GALNT13: variants seen among roughly 807,000 people sequenced by gnomAD.
The protein encoded by GALNT13 is UDP-GalNAc:polypeptide N-acetylgalactosaminyltransferase 13.
GALNT13 carries 28 observed loss-of-function variants against 64.2 expected under a neutral mutation model. The ratio of observed to expected loss-of-function variants is 0.44; its 90% CI spans 0.32 to 0.60. GALNT13 has a LOEUF of 0.60. Ranked by LOEUF, GALNT13 falls within the 20% of genes least tolerant of loss-of-function variation. GALNT13 has a pLI of 0.05. For missense variants in GALNT13, 577 were observed against 669.8 expected (o/e 0.86, Z 1.53); for synonymous variants, 214 against 224.6 (o/e 0.95, Z 0.42).
At chr2:153,808,888 G>T in the GALNT13 span, among the ~76,000 whole-genome samples, 1 of 152,140 alleles carries the variant, frequency 6.6e-6, no homozygotes, top group East Asian at 1.9e-4. Context: ...AAAATGCCAA[G>T]CCTGCTTAAA....
chr2:154,183,259 T>C (rs1327671904), intron 4 of GALNT13, among the ~76,000 whole-genome samples: 3 of 152,188 alleles, frequency 2.0e-5, no homozygotes. Context: ...TTGTGAATTG[T>C]ATGTTTATAG....
At chr2:153,768,778 AT>A in the GALNT13 span, among the ~76,000 whole-genome samples, 10 of 152,172 alleles carry the variant, frequency 6.6e-5, no homozygotes, top group Admixed American at 6.5e-4. Flanking sequence ...AGGCAGGAAA[AT>A]GGTGTGAACC....
At chr2:153,840,942 T>G in the GALNT13 span, among the ~76,000 whole-genome samples, 1 of 151,678 alleles carries the variant, frequency 6.6e-6, no homozygotes, top group East Asian at 1.9e-4. Flanking sequence ...AGGCCTTTTT[T>G]GGGTATGTAA....
chr2:154,166,104 T>G (rs1157794089), intron 4 of GALNT13, among the ~76,000 whole-genome samples: 1 of 152,160 alleles, frequency 6.6e-6, no homozygotes, highest in Non-Finnish European at 1.5e-5. Flanking sequence ...CTCAATTCAG[T>G]CATTAAATAA....
chr2:153,099,507 A>C, the GALNT13 span, among the ~76,000 whole-genome samples: 1 of 152,194 alleles, frequency 6.6e-6, no homozygotes, highest in East Asian at 1.9e-4. Context: ...TTCTGCTAAT[A>C]AAGGCAGGCA....
chr2:153,765,991 A>G, the GALNT13 span, among the ~76,000 whole-genome samples: 1 of 152,186 alleles, frequency 6.6e-6, no homozygotes, highest in African/African-American at 2.4e-5. Context: ...GAGTCAATTA[A>G]ACCACTTTAC....
intron 4 of GALNT13, among the ~76,000 whole-genome samples, chr2:154,238,941 A>C (rs1251633898): frequency 4.6e-5 from 7 of 152,058 alleles, no homozygotes; most frequent in Non-Finnish European, 7.4e-5. Context: ...GATCTCCAGA[A>C]GTTATTCATC....
chr2:154,046,698 A>G (rs1699306364), intron 3 of GALNT13, among the ~76,000 whole-genome samples: 2 of 152,174 alleles, frequency 1.3e-5, no homozygotes, highest in Non-Finnish European at 2.9e-5. Context: ...TGAGCTCAAC[A>G]GGGTGGGGCC....
At chr2:154,435,618 G>A (rs150811594) in intron 11 of GALNT13, among the ~76,000 whole-genome samples, 2,177 of 152,254 alleles carry the variant, frequency 0.014, 32 homozygotes, top group Non-Finnish European at 0.021. Flanking sequence ...TCTCTCTCGG[G>A]ACTTGTGTAG....
At chr2:153,731,677 A>C in the GALNT13 span, among the ~76,000 whole-genome samples, 1 of 152,128 alleles carries the variant, frequency 6.6e-6, no homozygotes, top group African/African-American at 2.4e-5. Context: ...TTTTTAGATA[A>C]GTATTAATTG....
the GALNT13 span, among the ~76,000 whole-genome samples, chr2:153,639,549 C>T: frequency 7.9e-5 from 12 of 152,004 alleles, no homozygotes; most frequent in Non-Finnish European, 1.8e-4. Flanking sequence ...TGCAAGAAGT[C>T]AATGAGTGAG....
At chr2:153,752,579 G>C in the GALNT13 span, among the ~76,000 whole-genome samples, 1 of 151,976 alleles carries the variant, frequency 6.6e-6, no homozygotes, top group Non-Finnish European at 1.5e-5. Flanking sequence ...CTCTCTTCTG[G>C]CCTGTAAGGT....
chr2:154,009,053 G>A (rs1696447157), intron 3 of GALNT13, among the ~76,000 whole-genome samples: 1 of 152,146 alleles, frequency 6.6e-6, no homozygotes, highest in East Asian at 1.9e-4. Context: ...TTTATATTAT[G>A]ACCAACTGTG....
intron 3 of GALNT13, among the ~76,000 whole-genome samples, chr2:154,127,133 G>A (rs535206195): frequency 3.9e-5 from 6 of 151,942 alleles, no homozygotes; most frequent in South Asian, 2.1e-4. Flanking sequence ...AATATTAACC[G>A]AAAATTTAAC....
At chr2:153,649,013 T>C in the GALNT13 span, among the ~76,000 whole-genome samples, 2 of 152,190 alleles carry the variant, frequency 1.3e-5, no homozygotes, top group African/African-American at 4.8e-5. Context: ...TCTTTTTCTG[T>C]TGATTGGAAT....
intron 1 of GALNT13, among the ~76,000 whole-genome samples, chr2:153,883,490 C>T (rs557932112): frequency 9.6e-4 from 146 of 152,058 alleles, no homozygotes; most frequent in African/African-American, 3.3e-3. Flanking sequence ...TGAAGACAAA[C>T]GTTATCTTCT....
the GALNT13 span, among the ~76,000 whole-genome samples, chr2:153,618,681 T>C: frequency 1.3e-5 from 2 of 152,156 alleles, no homozygotes; most frequent in African/African-American, 4.8e-5. Flanking sequence ...GATATGTCCT[T>C]TATATAGCTA....
chr2:154,175,046 G>A (rs995026460), intron 4 of GALNT13, among the ~76,000 whole-genome samples: 8 of 152,040 alleles, frequency 5.3e-5, no homozygotes, highest in Non-Finnish European at 8.8e-5. Context: ...TTTTTCTTGA[G>A]CAAATAATGC....
At position 154,298,563 on chromosome 2, in the gene GALNT13, T is replaced by A. The variant is rs1331071304; in HGVS notation, c.976-2846T>A. ...ATTTATATATAAATTGTATATATAATTTATATATAAATTGTATATATAATT... is the reference window on the plus strand; with the variant it reads ...ATTTATATATAAATTGTATATATAAATTATATATAAATTGTATATATAATT... On this transcript the variant is annotated intron_variant, in intron 8 of 12. Transcript: ENST00000392825. Among the ~76,000 whole-genome samples, 10 of 74,924 alleles carry A rather than the reference T, an allele frequency of 1.3e-4. 1 individual carries two copies. The highest frequency in any genetic ancestry group is 4.4e-4 in the African/African-American group (6 of 13,746). The allele number at this position is 74,924 out of a possible 152,430, so 49.2% of individuals were successfully genotyped here. A position where few individuals can be genotyped will look rare whatever the true frequency, so the allele number is the denominator to read the frequency against.
Sources: allele counts gnomAD v4.1 joint callset (sites outside exome capture counted in the v4.1 genomes callset), GRCh38; gene constraint gnomAD v4.1.1; transcripts MANE v1.5; gene names NCBI Gene and HGNC (gene_info 2026-07-23, HGNC 2026-07-21).